SLC28A2: variants seen among roughly 807,000 people sequenced by gnomAD.
SLC28A2 encodes the protein solute carrier family 28 member 2, also known as sodium/nucleoside cotransporter 2.
A neutral mutation model predicts 72.9 loss-of-function variants in SLC28A2; 69 were observed. The ratio of observed to expected loss-of-function variants is 0.95; its 90% CI spans 0.78 to 1.16. The LOEUF (loss-of-function observed/expected upper bound fraction) is 1.16. Among genes scored for constraint, SLC28A2 ranks in the 50% most tolerant of loss-of-function variants. SLC28A2 has a pLI of 0.00. For synonymous variants in SLC28A2, 296 were observed against 294.1 expected, an observed-to-expected ratio of 1.01 and a Z score of -0.07; for missense variants, 745 against 791.1, an observed-to-expected ratio of 0.94 and a Z score of 0.70.
At position 45,265,587 on chromosome 15, in the gene SLC28A2, T is replaced by C. The variant is rs904382024; in HGVS notation, c.785T>C (p.Leu262Ser). The C allele has an allele frequency of 3.7e-6, 6 of 1,607,246 alleles. No individual in the cohort carries two copies. In the East Asian group the frequency reaches 1.1e-4, roughly 30 times the overall value. ...LVKDVFAFQA[L>S]PIIIFFGCVV... ...CTGCTACCATTCTCATTACAGGCCT[T>C]ACCAATCATCATTTTCTTTGGATGT... The change falls in exon 9 of 18, where the codon TTA becomes TCA. Residue 262 changes from leucine to serine, a missense_variant. By Grantham distance (145) the Leu-to-Ser change is moderately radical. Transcript: ENST00000347644.
At chr15:45,270,329 C>G (rs1900508114) in intron 15 of SLC28A2, 53 bp downstream of exon 15, 3 of 1,192,200 alleles carry the variant, frequency 2.5e-6, no homozygotes, top group Middle Eastern at 1.9e-4. Flanking sequence ...ATCCCAGCTT[C>G]TGTAGTGGGC....
intron 3 of SLC28A2, 161 bp downstream of exon 3, chr15:45,253,681 A>G: frequency 3.7e-6 from 2 of 537,318 alleles, no homozygotes; most frequent in East Asian, 3.0e-5. Flanking sequence ...CATAAACTCC[A>G]TAAAAAAAAA....
chr15:45,263,284 C>T (rs773081877), intron 5 of SLC28A2, 40 bp downstream of exon 5: 14 of 1,583,094 alleles, frequency 8.8e-6, no homozygotes, highest in Non-Finnish European at 1.7e-6. Context: ...ACAGCTTATC[C>T]CAGCCCACCT....
Position 45,272,286 on chromosome 15 carries a change from T to C in SLC28A2, c.1649-9T>C. ...AAAAGCTGAAGTTATTTTATTTTAT[T>C]GTCTGCAGCATCAATAGTACCTCAC... On this transcript the variant is annotated splice_polypyrimidine_tract_variant and intron_variant, in intron 15 of 17. Transcript: ENST00000347644. 5 of 1,611,844 alleles carry C rather than the reference T, an allele frequency of 3.1e-6. No individual in the cohort carries two copies. Among genetic ancestry groups the C allele is most frequent in the Non-Finnish European group, 3.4e-6 (4 of 1,179,026 alleles).
chr15:45,273,339 G>A (rs1265777303), intron 17 of SLC28A2, among the ~76,000 whole-genome samples: 1 of 152,148 alleles, frequency 6.6e-6, no homozygotes, highest in Non-Finnish European at 1.5e-5. Context: ...TTCAGGTAGT[G>A]TAAAAATGAA....
At position 45,262,003 on chromosome 15, in the gene SLC28A2, G is replaced by A. The variant is rs772257572; in HGVS notation, c.171-12G>A. 1 of 1,577,268 alleles carries A rather than the reference G, an allele frequency of 6.3e-7. No individual in the cohort carries two copies. ...AGTAATTCTTGTATCTTAACTTTTGGGTTCTTATTAGGAGGAGTCGGTGGC... is the reference window on the plus strand; with the variant it reads ...AGTAATTCTTGTATCTTAACTTTTGAGTTCTTATTAGGAGGAGTCGGTGGC... On this transcript the variant is annotated splice_polypyrimidine_tract_variant and intron_variant, in intron 3 of 17. Coordinates refer to ENST00000347644, the MANE Select transcript of SLC28A2 (RefSeq NM_004212.4).
intron 3 of SLC28A2, 46 bp from the exon 4 acceptor site, chr15:45,261,969 A>G: frequency 8.6e-7 from 1 of 1,160,952 alleles, no homozygotes; most frequent in Non-Finnish European, 1.3e-6. Context: ...ATTAATAGAA[A>G]TGGGATGGAG....
At chr15:45,261,739 C>G (rs1900169696) in intron 3 of SLC28A2, among the ~76,000 whole-genome samples, 2 of 152,130 alleles carry the variant, frequency 1.3e-5, no homozygotes, top group Admixed American at 1.3e-4. Flanking sequence ...GTAGTAGACC[C>G]CTGACATGAG....
intron 3 of SLC28A2, among the ~76,000 whole-genome samples, chr15:45,257,878 T>C (rs986549139): frequency 6.6e-6 from 1 of 152,240 alleles, no homozygotes; most frequent in African/African-American, 2.4e-5. Context: ...TTGTTTACAA[T>C]GTACATTAAA....
In SLC28A2 at chr15:45,263,997, T is replaced by C; in HGVS notation, c.563T>C (p.Phe188Ser). Reference sequence around the variant, plus strand: ...ATCTGCATGTTCATCCTTATCCTCTTTGCCTGCTCCAAACACCACAGCGCA... The same window carrying C: ...ATCTGCATGTTCATCCTTATCCTCTCTGCCTGCTCCAAACACCACAGCGCA... ...AGICMFILIL[F>S]ACSKHHSAVS... is the part of the protein sequence containing the mutation. The change falls in exon 6 of 18, where the codon TTT becomes TCT. Residue 188 changes from phenylalanine to serine, a missense_variant. Transcript: ENST00000347644. 3 of 1,613,154 alleles carry C rather than the reference T, an allele frequency of 1.9e-6. No individual in the cohort carries two copies. The highest frequency in any genetic ancestry group is 8.5e-7 in the Non-Finnish European group (1 of 1,179,604).
intron 3 of SLC28A2, among the ~76,000 whole-genome samples, chr15:45,258,417 AACCATATG>A (rs1900042534): frequency 1.3e-5 from 2 of 152,166 alleles, no homozygotes; most frequent in African/African-American, 4.8e-5. Flanking sequence ...AAGTGAATAC[AACCATATG>A]ACCATCGACC....
chr15:45,256,790 T>G (rs990076516), intron 3 of SLC28A2, among the ~76,000 whole-genome samples: 2 of 152,138 alleles, frequency 1.3e-5, no homozygotes, highest in Non-Finnish European at 2.9e-5. Flanking sequence ...AGAACCCACA[T>G]AGATTTCTTG....
At chr15:45,263,344 A>G in intron 5 of SLC28A2, 100 bp downstream of exon 5, 2 of 1,160,554 alleles carry the variant, frequency 1.7e-6, no homozygotes, top group South Asian at 1.6e-5. Flanking sequence ...ACCTGCACAT[A>G]GGCTTTTCAG....
chr15:45,252,955 T>C (rs762926807), intron 1 of SLC28A2, among the ~76,000 whole-genome samples: 4 of 152,262 alleles, frequency 2.6e-5, no homozygotes, highest in Non-Finnish European at 5.9e-5. Context: ...TTCATTTCTC[T>C]TCTCCTATCT....
At chr15:45,255,185 G>C (rs1899937881) in intron 3 of SLC28A2, 1 of 151,968 alleles carries the variant, frequency 6.6e-6, no homozygotes, top group Admixed American at 6.6e-5. Context: ...GAGCCCAGGA[G>C]GTTAAGGCTG....
chr15:45,265,429 A>C (rs1052393808), intron 8 of SLC28A2, among the ~76,000 whole-genome samples, 154 bp from the exon 9 acceptor site: 1 of 152,198 alleles, frequency 6.6e-6, no homozygotes, highest in Admixed American at 6.5e-5. Flanking sequence ...AATGGGTTTA[A>C]TACATTTTAA....
At chr15:45,266,196 C>A in intron 10 of SLC28A2, 35 bp downstream of exon 10, 1 of 1,411,094 alleles carries the variant, frequency 7.1e-7, no homozygotes, top group Non-Finnish European at 1.0e-6. Flanking sequence ...CTTCTTCCCT[C>A]TGAGGAACTG....
chr15:45,253,434 A>G lies in SLC28A2; in HGVS notation c.84A>G (p.Glu28=), dbSNP rs774390130. ...CCCAATGCTCTCTGTGCTTGTAGGA[A>G]AAAGAAGTAGAGCCTGAGGGAAGCA... ...GTVNPGLELM[E]KEVEPEGSKR... The change falls in exon 3 of 18, where the codon GAA becomes GAG. Residue 28 remains glutamate, a splice_region_variant and synonymous_variant. Transcript: ENST00000347644. 2 of 1,613,290 alleles carry G rather than the reference A, an allele frequency of 1.2e-6. No individual in the cohort carries two copies. The highest frequency in any genetic ancestry group is 2.2e-5 in the East Asian group (1 of 44,878).
Position 45,269,205 on chromosome 15 carries a change from C to A in SLC28A2, c.1369-133C>A, listed in dbSNP as rs190617414. 352 of 701,894 alleles carry A rather than the reference C, an allele frequency of 5.0e-4. No individual in the cohort carries two copies. The African/African-American group carries it at 6.0e-3, about 12-fold the overall frequency. The allele number at this position is 701,894 out of a possible 1,614,324, so 43.5% of individuals were successfully genotyped here. Reference sequence around the variant, plus strand: ...AAAACAACCATGCATGTCCTTCTGACCCACAGTAAGCCAAGAGAGAGCATG... The same window carrying A: ...AAAACAACCATGCATGTCCTTCTGAACCACAGTAAGCCAAGAGAGAGCATG... On this transcript the variant is annotated intron_variant, in intron 13 of 17. Coordinates refer to ENST00000347644, the MANE Select transcript of SLC28A2 (RefSeq NM_004212.4).
Sources: allele counts gnomAD v4.1 joint callset (sites outside exome capture counted in the v4.1 genomes callset), GRCh38; gene constraint gnomAD v4.1.1; transcripts MANE v1.5; gene names NCBI Gene and HGNC (gene_info 2026-07-23, HGNC 2026-07-21).